The following OSBPL1A variants were observed in gnomAD, a reference collection of about 807,000 sequenced individuals.
OSBPL1A encodes the protein oxysterol-binding protein-related protein 1.
Under a neutral mutation model 137.1 loss-of-function variants are expected in OSBPL1A, and 80 were observed. The ratio of observed to expected loss-of-function variants is 0.58; its 90% CI spans 0.49 to 0.70. The LOEUF (loss-of-function observed/expected upper bound fraction) is 0.70. OSBPL1A is among the 30% of genes least tolerant of loss of function. The pLI, the probability that OSBPL1A is intolerant of heterozygous loss-of-function variation, is 0.00. For missense variants in OSBPL1A, 970 were observed against 1,129.4 expected, an observed-to-expected ratio of 0.86 and a Z score of 2.02; for synonymous variants, 365 against 389.7, an observed-to-expected ratio of 0.94 and a Z score of 0.75.
intron 15 of OSBPL1A, among the ~76,000 whole-genome samples, chr18:24,256,147 A>C (rs753501171): frequency 1.3e-5 from 2 of 152,178 alleles, no homozygotes; most frequent in African/African-American, 4.8e-5. Context: ...CCACATGTTG[A>C]TATCAAAACC....
intron 17 of OSBPL1A, among the ~76,000 whole-genome samples, chr18:24,222,934 TTAAA>T (rs1281247907): frequency 6.6e-6 from 1 of 152,066 alleles, no homozygotes; most frequent in Non-Finnish European, 1.5e-5. Context: ...TATGGGAAAG[TTAAA>T]TAAATCATAA....
intron 15 of OSBPL1A, among the ~76,000 whole-genome samples, chr18:24,267,702 A>G (rs1353459034): frequency 6.6e-6 from 1 of 152,196 alleles, no homozygotes; most frequent in East Asian, 1.9e-4. Context: ...AATAGACACC[A>G]AAGAACATCT....
intron 15 of OSBPL1A, among the ~76,000 whole-genome samples, chr18:24,256,084 C>T (rs1399917469): frequency 1.3e-5 from 2 of 152,138 alleles, no homozygotes; most frequent in East Asian, 1.9e-4. Context: ...CGTGAGCTAC[C>T]ATGCCTGGTA....
Position 24,162,329 on chromosome 18 carries a change from A to ATACTT in OSBPL1A, c.*845_*849dup, listed in dbSNP as rs2086036983. 6.6e-6 allele frequency: 1 copy of ATACTT among 152,216 alleles called. No homozygotes were observed. The highest frequency in any genetic ancestry group is 1.5e-5 in the Non-Finnish European group (1 of 68,040). 9.4% of individuals were successfully genotyped at this position (152,216 alleles called of 1,614,324 possible). A position where few individuals can be genotyped will look rare whatever the true frequency, so the allele number is the denominator to read the frequency against. ...ACAAGGCCTCCTTTTATATAGTTTG[A>ATACTT]TACTTACATGAGTGCAACTTACTTT... On this transcript the variant is annotated 3_prime_UTR_variant, in exon 28 of 28. Transcript: ENST00000319481.
chr18:24,390,607 A>G (rs981965844), intron 1 of OSBPL1A, among the ~76,000 whole-genome samples: 3 of 148,858 alleles, frequency 2.0e-5, no homozygotes, highest in Admixed American at 6.8e-5. Flanking sequence ...AGGCAGGAGA[A>G]TCACTTCAAC....
chr18:24,361,909 A>C (rs1157608217), intron 4 of OSBPL1A, among the ~76,000 whole-genome samples: 1 of 151,752 alleles, frequency 6.6e-6, no homozygotes, highest in Admixed American at 6.6e-5. Context: ...AGGCAGGAGA[A>C]TCACTTGAAC....
intron 17 of OSBPL1A, among the ~76,000 whole-genome samples, chr18:24,204,688 C>T (rs1394382380): frequency 6.6e-6 from 1 of 151,868 alleles, no homozygotes; most frequent in Non-Finnish European, 1.5e-5. Flanking sequence ...GTTTGCTCAT[C>T]TGGGGCCACT....
At chr18:24,164,979 G>A in intron 27 of OSBPL1A, 86 bp downstream of exon 27, 2 of 1,347,406 alleles carry the variant, frequency 1.5e-6, no homozygotes, top group African/African-American at 1.5e-5. Flanking sequence ...CCTTGCTCTG[G>A]GGTCACAGTG....
At position 24,323,479 on chromosome 18, in the gene OSBPL1A, C is replaced by A. The variant is rs1429438213; in HGVS notation, c.626-4670G>T. Among the ~76,000 whole-genome samples, 5 of 51,336 alleles carry A rather than the reference C, an allele frequency of 9.7e-5. 1 individual carries two copies. Among genetic ancestry groups the A allele is most frequent in the Non-Finnish European group, 1.2e-4 (3 of 24,866 alleles). The allele number at this position is 51,336 out of a possible 152,430, so 33.7% of individuals were successfully genotyped here. On this transcript the variant is annotated intron_variant, in intron 7 of 27. Coordinates refer to ENST00000319481, the MANE Select transcript of OSBPL1A (RefSeq NM_080597.4). ...GACCTCGTGATCCACCCACCTCAGC[C>A]TCCCAAAGTGCTGGGAATACAGGCG...
chr18:24,337,010 CAG>C (rs1054899835), intron 5 of OSBPL1A, among the ~76,000 whole-genome samples: 3 of 152,132 alleles, frequency 2.0e-5, no homozygotes, highest in African/African-American at 4.8e-5. Context: ...ACAAAGTGAT[CAG>C]AGTTAACATC....
rs116607843 is a variant in OSBPL1A at position 24,392,982 on chromosome 18, G to A, written c.-3+4673C>T. 3.8e-3 allele frequency among the ~76,000 whole-genome samples: 578 copies of A among 152,196 alleles called. 3 individuals carry two copies. The highest frequency in any genetic ancestry group is 0.012 in the African/African-American group (504 of 41,528). The stretch of plus-strand genomic sequence containing the variant: ...TGGAATTACAGGCATGAGCCACCTC[G>A]CCCAGCCTGTAGTTAGCTGCTTAAT... On this transcript the variant is annotated intron_variant, in intron 1 of 27. Transcript: ENST00000319481.
intron 15 of OSBPL1A, among the ~76,000 whole-genome samples, chr18:24,250,376 A>G (rs918815395): frequency 6.6e-6 from 1 of 152,090 alleles, no homozygotes; most frequent in Non-Finnish European, 1.5e-5. Context: ...GGGTTTTGCC[A>G]TGTTGGCCAG....
intron 1 of OSBPL1A, among the ~76,000 whole-genome samples, chr18:24,378,084 T>C (rs973684691): frequency 2.0e-5 from 3 of 152,206 alleles, no homozygotes; most frequent in Admixed American, 6.5e-5. Flanking sequence ...ATTTATTTTT[T>C]CTGTCACATT....
intron 18 of OSBPL1A, among the ~76,000 whole-genome samples, chr18:24,195,723 A>G (rs2847596): frequency 6.6e-6 from 1 of 152,214 alleles, no homozygotes; most frequent in Admixed American, 6.5e-5. Context: ...GACATATTCC[A>G]AATATTTAAT....
At chr18:24,180,656 C>T (rs563840137) in intron 19 of OSBPL1A, among the ~76,000 whole-genome samples, 2 of 152,222 alleles carry the variant, frequency 1.3e-5, no homozygotes, top group South Asian at 2.1e-4. Flanking sequence ...GGGTGGATCA[C>T]GAGGTCAGGA....
chr18:24,354,846 G>A lies in OSBPL1A; in HGVS notation c.282+12046C>T, dbSNP rs1358668130. Among the ~76,000 whole-genome samples the A allele has an allele frequency of 2.0e-5, 3 of 150,732 alleles. No individual in the cohort carries two copies. In the East Asian group the frequency reaches 5.9e-4, roughly 30 times the overall value. ...ATCTAACTTTGCCCTTCAGAATGCTGAGTTCTATTAACCGTTTCCTTAACT... is the reference window on the plus strand; with the variant it reads ...ATCTAACTTTGCCCTTCAGAATGCTAAGTTCTATTAACCGTTTCCTTAACT... On this transcript the variant is annotated intron_variant, in intron 4 of 27. Coordinates refer to ENST00000319481, the MANE Select transcript of OSBPL1A (RefSeq NM_080597.4).
intron 17 of OSBPL1A, among the ~76,000 whole-genome samples, chr18:24,221,049 A>C (rs1599515995): frequency 6.6e-6 from 1 of 152,136 alleles, no homozygotes; most frequent in Non-Finnish European, 1.5e-5. Context: ...CCAAAGTACT[A>C]GTATTACAAG....
rs373677885 is a variant in OSBPL1A, at chr18:24,186,473, T to C, written c.1678-5194A>G. Among the ~76,000 whole-genome samples the C allele has an allele frequency of 5.3e-5, 8 of 152,332 alleles. No homozygotes were observed. The South Asian group carries it at 1.0e-3, about 20-fold the overall frequency. On this transcript the variant is annotated intron_variant, in intron 18 of 27. Coordinates refer to ENST00000319481, the MANE Select transcript of OSBPL1A (RefSeq NM_080597.4). ...AAACATAGAAACAAATGCTAGAAGATAGTAACATCAAAAAGTTAATAGTGG... is the reference window on the plus strand; with the variant it reads ...AAACATAGAAACAAATGCTAGAAGACAGTAACATCAAAAAGTTAATAGTGG...
chr18:24,273,946 A>G (rs2146062504), intron 15 of OSBPL1A, among the ~76,000 whole-genome samples: 1 of 152,198 alleles, frequency 6.6e-6, no homozygotes. Context: ...TTAAAAAACC[A>G]AATTGAACCG....
Sources: allele counts gnomAD v4.1 joint callset (sites outside exome capture counted in the v4.1 genomes callset), GRCh38; gene constraint gnomAD v4.1.1; transcripts MANE v1.5; gene names NCBI Gene and HGNC (gene_info 2026-07-23, HGNC 2026-07-21).